Variants in GRAMD2B observed in about 807,000 individuals in gnomAD.
The protein encoded by GRAMD2B is GRAM domain containing 2B.
In GRAMD2B, 41 loss-of-function variants were observed where a neutral mutation model predicts 59.2. That is an observed-to-expected ratio of 0.69 (90% CI 0.54 to 0.90). GRAMD2B has a LOEUF of 0.90. Among genes scored for constraint, GRAMD2B ranks in the 40% least tolerant of loss-of-function variants. GRAMD2B has a pLI of 0.00. For missense variants in GRAMD2B, 424 were observed against 500.5 expected (o/e 0.85, Z 1.46); for synonymous variants, 161 against 182.7 (o/e 0.88, Z 0.96).
At position 126,492,237 on chromosome 5, in the gene GRAMD2B, T is replaced by C. The variant is rs183513123; in HGVS notation, c.1258-678T>C. Among the ~76,000 whole-genome samples, 274 of 152,330 alleles carry C rather than the reference T, an allele frequency of 1.8e-3. 1 individual carries two copies. Among genetic ancestry groups the C allele is most frequent in the Non-Finnish European group, 3.1e-3 (209 of 68,026 alleles). On this transcript the variant is annotated intron_variant, in intron 13 of 13. Transcript: ENST00000285689. ...TAAACATTATTATGTGGGATTTTTC[T>C]GATTAAAACCATCAAATGGGTTGTG... is the stretch of plus-strand genomic sequence containing the variant.
At position 126,466,839 on chromosome 5, in the gene GRAMD2B, T is replaced by G. The variant is rs574836468; in HGVS notation, c.203+1294T>G. On this transcript the variant is annotated intron_variant, in intron 2 of 13. Transcript: ENST00000285689. ...ACTACAGCAGGCACCTTAAAAACAC[T>G]GTTGGTTTTACTCCAACTTCCCCAG... is the stretch of plus-strand genomic sequence containing the variant. 2.6e-5 allele frequency among the ~76,000 whole-genome samples: 4 copies of G among 152,348 alleles called. No homozygotes were observed. In the South Asian group the frequency reaches 8.3e-4, roughly 32 times the overall value.
chr5:126,447,882 T>G (rs111654232), intron 1 of GRAMD2B, among the ~76,000 whole-genome samples: 41,114 of 150,198 alleles, frequency 0.27, 5,944 homozygotes, highest in African/African-American at 0.37. Context: ...TTTTAAAAAA[T>G]AGTCTCACTC....
intron 1 of GRAMD2B, among the ~76,000 whole-genome samples, chr5:126,443,025 C>T (rs1763564638): frequency 6.6e-6 from 1 of 152,068 alleles, no homozygotes; most frequent in African/African-American, 2.4e-5. Flanking sequence ...TGTTTTTCCC[C>T]ATTATCTATC....
At chr5:126,434,525 T>A (rs578077117) in intron 1 of GRAMD2B, among the ~76,000 whole-genome samples, 1 of 152,024 alleles carries the variant, frequency 6.6e-6, no homozygotes, top group Non-Finnish European at 1.5e-5. Context: ...TTTTTATTTT[T>A]ATTTTTTTTT....
intron 1 of GRAMD2B, among the ~76,000 whole-genome samples, chr5:126,388,509 A>G (rs1756391819): frequency 6.6e-6 from 1 of 152,118 alleles, no homozygotes; most frequent in African/African-American, 2.4e-5. Context: ...ACAAACCTAT[A>G]CAAGAAGCTA....
chr5:126,374,633 G>A (rs1755034630), intron 1 of GRAMD2B, among the ~76,000 whole-genome samples: 1 of 152,150 alleles, frequency 6.6e-6, no homozygotes, highest in South Asian at 2.1e-4. Context: ...AAGAACATAT[G>A]TATTTTCTGC....
chr5:126,493,170 AT>A lies in GRAMD2B; in HGVS notation c.*218del. 1 of 547,882 alleles carries A rather than the reference AT, an allele frequency of 1.8e-6. No individual in the cohort carries two copies. The highest frequency in any genetic ancestry group is 3.3e-6 in the Non-Finnish European group (1 of 302,348). 33.9% of individuals were successfully genotyped at this position (547,882 alleles called of 1,614,324 possible). On this transcript the variant is annotated 3_prime_UTR_variant, in exon 14 of 14. Coordinates refer to ENST00000285689, the MANE Select transcript of GRAMD2B (RefSeq NM_023927.4). Reference sequence around the variant, plus strand: ...AGTTGACCTTGACTCTCTGAGGAAGATTTTGCTGCTTTTGCCTGAAGAAAAC... The same window carrying A: ...AGTTGACCTTGACTCTCTGAGGAAGATTTGCTGCTTTTGCCTGAAGAAAAC...
intron 1 of GRAMD2B, among the ~76,000 whole-genome samples, chr5:126,438,320 G>A (rs1310093427): frequency 6.6e-6 from 1 of 152,182 alleles, no homozygotes; most frequent in East Asian, 1.9e-4. Context: ...CAGAGAGGGA[G>A]AATATGAAGG....
upstream of GRAMD2B, among the ~76,000 whole-genome samples, chr5:126,418,778 A>G (rs1257189772): frequency 6.6e-6 from 1 of 152,182 alleles, no homozygotes; most frequent in Non-Finnish European, 1.5e-5. Flanking sequence ...AATTTTTTTG[A>G]AAGTCTTAGA....
chr5:126,410,310 C>T (rs1294984661), intron 1 of GRAMD2B, among the ~76,000 whole-genome samples: 1 of 151,832 alleles, frequency 6.6e-6, no homozygotes, highest in East Asian at 1.9e-4. Flanking sequence ...ATTGATTCTT[C>T]CTACCCATGA....
chr5:126,361,555 G>A (rs549198148), intron 1 of GRAMD2B, among the ~76,000 whole-genome samples: 1 of 149,842 alleles, frequency 6.7e-6, no homozygotes, highest in African/African-American at 2.4e-5. Context: ...GTTTCTATAT[G>A]TAAAATGCCA....
At chr5:126,425,269 C>T (rs1010375914) in intron 1 of GRAMD2B, among the ~76,000 whole-genome samples, 7 of 152,248 alleles carry the variant, frequency 4.6e-5, no homozygotes, top group African/African-American at 7.2e-5. Flanking sequence ...GTGCTATATA[C>T]ACAAGATACG....
intron 1 of GRAMD2B, among the ~76,000 whole-genome samples, chr5:126,440,820 C>T (rs953549449): frequency 1.4e-4 from 22 of 152,092 alleles, no homozygotes; most frequent in African/African-American, 5.1e-4. Flanking sequence ...ATGAACTACA[C>T]ATTAACACAA....
intron 1 of GRAMD2B, among the ~76,000 whole-genome samples, chr5:126,394,275 A>C (rs1270659005): frequency 1.5e-5 from 2 of 131,896 alleles, no homozygotes; most frequent in South Asian, 2.3e-4. Context: ...ACTCTGTCTC[A>C]AAAAAAAAAA....
At chr5:126,440,418 AAGAT>A (rs1437706094) in intron 1 of GRAMD2B, among the ~76,000 whole-genome samples, 1 of 152,206 alleles carries the variant, frequency 6.6e-6, no homozygotes, top group African/African-American at 2.4e-5. Context: ...GAGTAATAAA[AAGAT>A]AGACCCATAG....
At chr5:126,442,172 A>T (rs1763399272) in intron 1 of GRAMD2B, among the ~76,000 whole-genome samples, 1 of 151,664 alleles carries the variant, frequency 6.6e-6, no homozygotes, top group African/African-American at 2.4e-5. Context: ...AATTCAGCAC[A>T]TTCACCCACT....
At chr5:126,452,452 C>G (rs964097811) in intron 1 of GRAMD2B, among the ~76,000 whole-genome samples, 5 of 152,182 alleles carry the variant, frequency 3.3e-5, no homozygotes, top group African/African-American at 1.2e-4. Context: ...TGACATTACT[C>G]TCTTGCAATA....
At chr5:126,423,832 A>ACTCT (rs34490811) in intron 1 of GRAMD2B, 143 bp downstream of exon 1, 24 of 590,882 alleles carry the variant, frequency 4.1e-5, no homozygotes, top group Admixed American at 2.2e-4. Flanking sequence ...TCTGTCTCTC[A>ACTCT]CTCTCTCTCT....
Position 126,485,733 on chromosome 5 carries a change from T to C in GRAMD2B, c.1018T>C (p.Cys340Arg), listed in dbSNP as rs762260184. 41 of 1,612,292 alleles carry C rather than the reference T, an allele frequency of 2.5e-5. No individual in the cohort carries two copies. The highest frequency in any genetic ancestry group is 3.1e-5 in the Non-Finnish European group (36 of 1,179,110). Reference protein sequence around the residue: ...GILHKVKSQKCPMLHHILIFY... With the variant: ...GILHKVKSQKRPMLHHILIFY... ...CTTACATAAAGTCAAGTCTCAGAAA[T>C]GTCCGATGCTTCACCATATTCTTAT... The change falls in exon 11 of 14, where the codon TGT becomes CGT. Residue 340 changes from cysteine (C) to arginine (R), a missense_variant. Cys to Arg is a radical substitution (Grantham distance 180). Transcript: ENST00000285689.
Sources: gnomAD v4.1 joint callset for allele counts (sites outside exome capture counted in the v4.1 genomes callset) on GRCh38, gnomAD v4.1.1 for gene constraint, MANE v1.5 for transcripts, NCBI Gene and HGNC (gene_info 2026-07-23, HGNC 2026-07-21) for gene names.